The following NFKB1 variants were observed in gnomAD, a reference collection of about 807,000 sequenced individuals.
NFKB1 encodes nuclear factor kappa B subunit 1.
NFKB1 carries 9 observed loss-of-function variants against 105.1 expected under a neutral mutation model. The ratio of observed to expected loss-of-function variants is 0.09; its 90% CI spans 0.05 to 0.15. The LOEUF is 0.15. Ranked by LOEUF, NFKB1 falls within the 10% of genes least tolerant of loss-of-function variation. NFKB1 has a pLI of 1.00. For missense variants in NFKB1, 830 were observed against 1,203.7 expected, an observed-to-expected ratio of 0.69 and a Z score of 4.59; for synonymous variants, 440 against 442.2, an observed-to-expected ratio of 1.00 and a Z score of 0.06.
At chr4:102,596,085 A>G (rs1253621254) in intron 13 of NFKB1, 53 bp from the exon 14 acceptor site, 32 of 1,269,338 alleles carry the variant, frequency 2.5e-5, no homozygotes, top group Non-Finnish European at 3.1e-5. Flanking sequence ...ATAGCGAATT[A>G]TCACTAAATA....
intron 5 of NFKB1, among the ~76,000 whole-genome samples, chr4:102,561,093 A>G (rs1560673611): frequency 2.6e-5 from 4 of 152,326 alleles, no homozygotes; most frequent in Admixed American, 2.6e-4. Context: ...GCATCTTTTT[A>G]TGCCAGAAAC....
intron 3 of NFKB1, among the ~76,000 whole-genome samples, chr4:102,530,152 A>G (rs1158651142): frequency 6.6e-6 from 1 of 152,184 alleles, no homozygotes; most frequent in Admixed American, 6.5e-5. Flanking sequence ...ACTCAGAAGG[A>G]ATTTCTTTAG....
rs1273702246 is a variant in NFKB1 at position 102,537,499 on chromosome 4, G to A, written c.160-359G>A. ...TTTTATTAATATGGTACAGTTCAGA[G>A]CTTGGCAGCAGCAATTTAAGACAAG... On this transcript the variant is annotated intron_variant, in intron 4 of 23. Transcript: ENST00000226574. 1.8e-4 allele frequency: 30 copies of A among 170,584 alleles called. 2 individuals are homozygous for A. In the South Asian group the frequency reaches 4.1e-3, roughly 23 times the overall value. The allele number at this position is 170,584 out of a possible 1,614,324, so 10.6% of individuals were successfully genotyped here.
Position 102,594,944 on chromosome 4 carries a change from T to C in NFKB1, c.1263T>C (p.His421=), listed in dbSNP as rs1226729977. ...CTACTTATGGTGGGATTACTTTCCA[T>C]CCTGGAACTACTAAATCTAATGCTG... ...GFPTYGGITF[H]PGTTKSNAGM... Residue 421 remains histidine (H), a synonymous_variant, in exon 13 of 24, where the codon CAT becomes CAC. Transcript: ENST00000226574. The C allele has an allele frequency of 1.2e-6, 2 of 1,611,616 alleles. No homozygotes were observed. Among genetic ancestry groups the C allele is most frequent in the Admixed American group, 3.3e-5 (2 of 59,890 alleles).
rs560195684 is a variant in NFKB1, at chr4:102,604,393, C to T, written c.1753-2103C>T. Among the ~76,000 whole-genome samples the T allele has an allele frequency of 3.9e-5, 6 of 152,164 alleles. No individual in the cohort carries two copies. In the South Asian group the frequency reaches 1.2e-3, roughly 32 times the overall value. On this transcript the variant is annotated intron_variant, in intron 16 of 23. Transcript: ENST00000226574. Reference sequence around the variant, plus strand: ...ACCAGAGGTCTCTTCACCCAGTTTCCCCCAATGGTAACATCCTGCATAACC... The same window carrying T: ...ACCAGAGGTCTCTTCACCCAGTTTCTCCCAATGGTAACATCCTGCATAACC...
chr4:102,594,896 T>C lies in NFKB1; in HGVS notation c.1215T>C (p.Tyr405=), dbSNP rs1726478040. 4 of 1,608,634 alleles carry C rather than the reference T, an allele frequency of 2.5e-6. No homozygotes were observed. Among genetic ancestry groups the C allele is most frequent in the East Asian group, 2.2e-5 (1 of 44,846 alleles). The change falls in exon 13 of 24, where the codon TAT becomes TAC. Residue 405 remains tyrosine (Y), a synonymous_variant. Transcript: ENST00000226574. ...TTGTTTTACTTGCCGTTTCAGGGTA[T>C]AGCTTCCCACACTATGGATTTCCTA... ...GGGTGSTGPG[Y]SFPHYGFPTY... is the part of the protein sequence containing the mutation.
chr4:102,522,948 A>G (rs959730600), intron 1 of NFKB1, among the ~76,000 whole-genome samples: 6 of 152,284 alleles, frequency 3.9e-5, no homozygotes, highest in Middle Eastern at 3.4e-3. Flanking sequence ...TTTACTATAG[A>G]TATATACTCA....
intron 6 of NFKB1, among the ~76,000 whole-genome samples, chr4:102,576,104 T>A (rs1021064064): frequency 6.6e-5 from 10 of 152,262 alleles, no homozygotes; most frequent in African/African-American, 2.2e-4. Context: ...TTCATTGCTT[T>A]TTAAGCTTAT....
chr4:102,562,250 C>T (rs1488409624), intron 5 of NFKB1, among the ~76,000 whole-genome samples: 1 of 152,184 alleles, frequency 6.6e-6, no homozygotes, highest in Non-Finnish European at 1.5e-5. Context: ...TCTCCACCCT[C>T]AGTACTCCCT....
chr4:102,577,937 T>TG, intron 7 of NFKB1: 1 of 985,470 alleles, frequency 1.0e-6, no homozygotes, highest in Non-Finnish European at 1.2e-6. Flanking sequence ...ATCTTGTTGC[T>TG]GCTCCGTGTC....
chr4:102,553,273 G>T (rs1722754066), intron 5 of NFKB1, among the ~76,000 whole-genome samples: 1 of 152,102 alleles, frequency 6.6e-6, no homozygotes, highest in South Asian at 2.1e-4. Flanking sequence ...GGGTTTCAGT[G>T]AAAGTGATAA....
chr4:102,510,746 A>G, intron 1 of NFKB1: 1 of 175,950 alleles, frequency 5.7e-6, no homozygotes, highest in Admixed American at 6.2e-5. Flanking sequence ...AAAACTTGAG[A>G]CAAAAATTGA....
At chr4:102,507,690 A>G (rs1331057870) in intron 1 of NFKB1, among the ~76,000 whole-genome samples, 1 of 152,226 alleles carries the variant, frequency 6.6e-6, no homozygotes, top group African/African-American at 2.4e-5. Context: ...TAAGACCTGC[A>G]TAAAGTTGAG....
chr4:102,612,241 G>C (rs1728490610), intron 21 of NFKB1, 131 bp downstream of exon 21: 1 of 976,622 alleles, frequency 1.0e-6, no homozygotes, highest in African/African-American at 1.6e-5. Flanking sequence ...GCTGGAGGTA[G>C]ATAAGGAGAA....
chr4:102,611,725 T>A (rs1728433516), intron 20 of NFKB1, among the ~76,000 whole-genome samples: 1 of 152,200 alleles, frequency 6.6e-6, no homozygotes, highest in South Asian at 2.1e-4. Flanking sequence ...GAGCAGGAGA[T>A]GATTGACATG....
chr4:102,538,967 G>A (rs746095838), intron 5 of NFKB1, among the ~76,000 whole-genome samples: 1 of 152,010 alleles, frequency 6.6e-6, no homozygotes, highest in African/African-American at 2.4e-5. Context: ...GGCCGGGCTC[G>A]TTGACTCATG....
chr4:102,520,307 T>C (rs573204328), intron 1 of NFKB1, among the ~76,000 whole-genome samples: 24 of 152,360 alleles, frequency 1.6e-4, no homozygotes, highest in Admixed American at 3.3e-4. Flanking sequence ...TATATTCCTC[T>C]TTTTATAATT....
intron 19 of NFKB1, 118 bp from the exon 20 acceptor site, chr4:102,610,457 A>G: frequency 3.1e-6 from 3 of 959,244 alleles, no homozygotes; most frequent in Non-Finnish European, 4.6e-6. Context: ...TTTAAAAATT[A>G]TCCAGGAGAT....
chr4:102,580,710 T>C, intron 9 of NFKB1, 71 bp downstream of exon 9: 6 of 1,232,698 alleles, frequency 4.9e-6, no homozygotes, highest in Non-Finnish European at 7.1e-6. Flanking sequence ...AGTGTGTCTG[T>C]GAGTCACATT....
Sources: allele counts gnomAD v4.1 joint callset (sites outside exome capture counted in the v4.1 genomes callset), GRCh38; gene constraint gnomAD v4.1.1; transcripts MANE v1.5; gene names NCBI Gene and HGNC (gene_info 2026-07-23, HGNC 2026-07-21).